The following SMC4 variants were observed in gnomAD, a reference collection of about 807,000 sequenced individuals.
SMC4 encodes structural maintenance of chromosomes 4.
A neutral mutation model predicts 145.6 loss-of-function variants in SMC4; 87 were observed. The observed-to-expected ratio is 0.60, with a 90% confidence interval of 0.50 to 0.71. The LOEUF is 0.71. Among genes scored for constraint, SMC4 ranks in the 30% least tolerant of loss-of-function variants. The pLI is 0.00. For synonymous variants in SMC4, 558 were observed against 500.7 expected (o/e 1.11, Z -1.53); for missense variants, 1,447 against 1,537.1 (o/e 0.94, Z 0.98).
At position 160,401,599 on chromosome 3, in the gene SMC4, T is replaced by TA. The variant is rs766707889; in HGVS notation, c.140-315dup. Among the ~76,000 whole-genome samples the TA allele has an allele frequency of 4.6e-5, 7 of 152,346 alleles. No homozygotes were observed. The East Asian group carries it at 1.2e-3, about 25-fold the overall frequency. On this transcript the variant is annotated intron_variant, in intron 2 of 23. Transcript: ENST00000357388. ...GGATAGGCAGCAGGAAATAGCTTGT[T>TA]ACGGTTTTCCCAGATTTGCTCTATG...
chr3:160,417,355 GTAGCTT>G (rs1276147952), intron 10 of SMC4, among the ~76,000 whole-genome samples: 1 of 152,174 alleles, frequency 6.6e-6, no homozygotes, highest in Non-Finnish European at 1.5e-5. Flanking sequence ...GGATAATGCA[GTAGCTT>G]TCATGATGGG....
In SMC4 at chr3:160,401,901, T is replaced by C. The variant is rs768547803; in HGVS notation, c.140-14T>C. 6.4e-7 allele frequency: 1 copy of C among 1,569,688 alleles called. No individual in the cohort carries two copies. The highest frequency in any genetic ancestry group is 8.6e-7 in the Non-Finnish European group (1 of 1,163,864). On this transcript the variant is annotated splice_polypyrimidine_tract_variant and intron_variant, in intron 2 of 23. Coordinates refer to ENST00000357388, the MANE Select transcript of SMC4 (RefSeq NM_001002800.3). ...GCCGTTTGCCTTCGTTTTCCTTTCC[T>C]TTCACTGACTTAGAGACTGCAAGTG... is the stretch of plus-strand genomic sequence containing the variant.
chr3:160,426,600 T>C lies in SMC4; in HGVS notation c.2605+400T>C, dbSNP rs571228741. Among the ~76,000 whole-genome samples the C allele has an allele frequency of 3.3e-5, 5 of 152,076 alleles. No individual in the cohort carries two copies. The East Asian group carries it at 9.9e-4, about 30-fold the overall frequency. On this transcript the variant is annotated intron_variant, in intron 17 of 23. Coordinates refer to ENST00000357388, the MANE Select transcript of SMC4 (RefSeq NM_001002800.3). Reference sequence around the variant, plus strand: ...ACAATGTGTACTTGAAAACTTAAAATATATATATATGTATTTTTTTTCTTT... The same window carrying C: ...ACAATGTGTACTTGAAAACTTAAAACATATATATATGTATTTTTTTTCTTT...
chr3:160,418,197 ATAATT>A (rs1430029520), intron 11 of SMC4, among the ~76,000 whole-genome samples: 16 of 152,324 alleles, frequency 1.1e-4, no homozygotes, highest in African/African-American at 3.6e-4. Flanking sequence ...CACTGTAGAA[ATAATT>A]TAAACAAAAG....
intron 6 of SMC4, 70 bp downstream of exon 6, chr3:160,412,154 C>G (rs1227146843): frequency 1.3e-6 from 2 of 1,524,796 alleles, no homozygotes; most frequent in Non-Finnish European, 1.8e-6. Context: ...TTTAGTAAGT[C>G]AGATATTCAT....
At chr3:160,422,154 A>C (rs1479848844) in intron 13 of SMC4, among the ~76,000 whole-genome samples, 1 of 152,240 alleles carries the variant, frequency 6.6e-6, no homozygotes, top group African/African-American at 2.4e-5. Context: ...TACTTGTGCT[A>C]CGAACATTTG....
chr3:160,428,948 G>A lies in SMC4; in HGVS notation c.2795+6G>A. On this transcript the variant is annotated splice_donor_region_variant and intron_variant, in intron 18 of 23. Transcript: ENST00000357388. ...GCAATCAAGACTGCTGACAGGTAGA[G>A]TATGCATGTTACCCTAACTTGTTTT... is the stretch of plus-strand genomic sequence containing the variant. 6.4e-7 allele frequency: 1 copy of A among 1,571,688 alleles called. No homozygotes were observed. Among genetic ancestry groups the A allele is most frequent in the South Asian group, 1.2e-5 (1 of 83,702 alleles).
At position 160,423,751 on chromosome 3, in the gene SMC4, T is replaced by C. The variant is rs1381585813; in HGVS notation, c.2246-10T>C. 4.3e-6 allele frequency: 7 copies of C among 1,612,484 alleles called. No homozygotes were observed. The highest frequency in any genetic ancestry group is 1.1e-5 in the South Asian group (1 of 90,750). Reference sequence around the variant, plus strand: ...ACATCTGAAGCTGACTTCTCTCCCCTGTTTTCCAGGTACAATGACTGGTGG... The same window carrying C: ...ACATCTGAAGCTGACTTCTCTCCCCCGTTTTCCAGGTACAATGACTGGTGG... On this transcript the variant is annotated splice_polypyrimidine_tract_variant and intron_variant, in intron 14 of 23. Transcript: ENST00000357388.
intron 21 of SMC4, 148 bp downstream of exon 21, chr3:160,431,973 CGGGT>C (rs1337256843): frequency 1.1e-5 from 9 of 791,170 alleles, no homozygotes; most frequent in Admixed American, 9.8e-5. Context: ...AGGCCAAAGG[CGGGT>C]GGATCACAAG....
intron 12 of SMC4, among the ~76,000 whole-genome samples, chr3:160,420,203 A>G (rs1000907503): frequency 6.6e-6 from 1 of 152,210 alleles, no homozygotes; most frequent in Non-Finnish European, 1.5e-5. Context: ...GGAGAGTCAA[A>G]GGAGCCAGTT....
Position 160,404,236 on chromosome 3 carries a change from A to C in SMC4, c.511-92A>C, listed in dbSNP as rs1178677184. 6.0e-6 allele frequency: 7 copies of C among 1,176,270 alleles called. No homozygotes were observed. In the Admixed American group the frequency reaches 2.1e-4, roughly 35 times the overall value. 72.9% of individuals were successfully genotyped at this position (1,176,270 alleles called of 1,614,324 possible). A position where few individuals can be genotyped will look rare whatever the true frequency, so the allele number is the denominator to read the frequency against. On this transcript the variant is annotated intron_variant, in intron 4 of 23. Coordinates refer to ENST00000357388, the MANE Select transcript of SMC4 (RefSeq NM_001002800.3). ...TTCAATTGAAGTTTTTAATCCATAG[A>C]ATTAGTTTCAGTATGAAATGAGTGA...
At chr3:160,403,223 G>A (rs576865471) in intron 4 of SMC4, among the ~76,000 whole-genome samples, 1 of 152,188 alleles carries the variant, frequency 6.6e-6, no homozygotes, top group South Asian at 2.1e-4. Flanking sequence ...TGAAAATGTA[G>A]CAGTTAGCCG....
chr3:160,430,984 A>T, intron 19 of SMC4, 48 bp from the exon 20 acceptor site: 1 of 1,538,272 alleles, frequency 6.5e-7, no homozygotes, highest in South Asian at 1.2e-5. Flanking sequence ...TGTGAAAATG[A>T]TGGCTCTATT....
At chr3:160,405,260 G>T (rs1715198894) in intron 5 of SMC4, among the ~76,000 whole-genome samples, 3 of 151,660 alleles carry the variant, frequency 2.0e-5, no homozygotes, top group African/African-American at 7.3e-5. Flanking sequence ...TACCAGCATG[G>T]CTTGGTAAGA....
chr3:160,424,245 TC>T (rs1285870833), intron 15 of SMC4, among the ~76,000 whole-genome samples: 1 of 152,230 alleles, frequency 6.6e-6, no homozygotes, highest in East Asian at 1.9e-4. Context: ...TAAACTTTTT[TC>T]CTCCTCAAAA....
At position 160,423,545 on chromosome 3, in the gene SMC4, G is replaced by A; in HGVS notation, c.2140G>A (p.Asp714Asn). 1.2e-6 allele frequency: 2 copies of A among 1,613,794 alleles called. No individual in the cohort carries two copies. The highest frequency in any genetic ancestry group is 1.7e-6 in the Non-Finnish European group (2 of 1,179,864). ...CCAAGCTTTTTATTTTGCTTTACGA[G>A]ATACCTTAGTAGCTGACAACTTGGA... Reference protein sequence around the residue: ...IRQAFYFALRDTLVADNLDQA... With the variant: ...IRQAFYFALRNTLVADNLDQA... The change falls in exon 14 of 24, where the codon GAT (aspartate) becomes AAT (asparagine). Residue 714 changes from aspartate (D) to asparagine (N), a missense_variant. Coordinates refer to ENST00000357388, the MANE Select transcript of SMC4 (RefSeq NM_001002800.3).
rs373580297 is a variant in SMC4 at position 160,426,231 on chromosome 3, GA to G, written c.2605+41del. 8.7e-3 allele frequency: 10,781 copies of G among 1,233,838 alleles called. 76 individuals carry two copies. Among genetic ancestry groups the G allele is most frequent in the East Asian group, 0.036 (1,301 of 35,702 alleles). The allele number at this position is 1,233,838 out of a possible 1,614,324, so 76.4% of individuals were successfully genotyped here. On this transcript the variant is annotated intron_variant, in intron 17 of 23. Coordinates refer to ENST00000357388, the MANE Select transcript of SMC4 (RefSeq NM_001002800.3). ...TTTAGAGATAGACCTTTTTTGGGGG[GA>G]AAAAAAAAACAGGTTTTTAAAGCTT...
chr3:160,416,135 A>AT (rs1237464339), intron 9 of SMC4, 116 bp from the exon 10 acceptor site: 2 of 595,832 alleles, frequency 3.4e-6, no homozygotes, highest in African/African-American at 1.9e-5. Flanking sequence ...TTTAACTCTG[A>AT]TTATAAAGAA....
At chr3:160,408,555 G>A (rs898498212) in intron 5 of SMC4, among the ~76,000 whole-genome samples, 18 of 152,204 alleles carry the variant, frequency 1.2e-4, no homozygotes, top group African/African-American at 4.3e-4. Flanking sequence ...TTTTTTGTCT[G>A]TGATTGTGCC....
Sources: allele counts gnomAD v4.1 joint callset (sites outside exome capture counted in the v4.1 genomes callset), GRCh38; gene constraint gnomAD v4.1.1; transcripts MANE v1.5; gene names NCBI Gene and HGNC (gene_info 2026-07-23, HGNC 2026-07-21).